The following DNAI4 variants were observed in gnomAD, a reference collection of about 807,000 sequenced individuals.
DNAI4 encodes the protein dynein axonemal intermediate chain 4.
In DNAI4, 85 loss-of-function variants were observed where a neutral mutation model predicts 105.8. The ratio of observed to expected loss-of-function variants is 0.80; its 90% CI spans 0.67 to 0.96. The LOEUF (loss-of-function observed/expected upper bound fraction) is 0.96, where lower values mean the gene tolerates loss of function less well. DNAI4 is among the 40% of genes least tolerant of loss of function. The probability of loss-of-function intolerance (pLI) is 0.00; values close to 1 mark genes in which losing one functional copy is unlikely to be tolerated. For missense variants in DNAI4, 1,014 were observed against 1,005.6 expected (o/e 1.01, Z -0.11); for synonymous variants, 352 against 331.5 (o/e 1.06, Z -0.67).
intron 4 of DNAI4, among the ~76,000 whole-genome samples, chr1:66,884,203 T>C (rs1457137177): frequency 6.6e-6 from 1 of 152,250 alleles, no homozygotes; most frequent in Non-Finnish European, 1.5e-5. Context: ...TGTGTGTATA[T>C]ACCACATTTT....
chr1:66,814,120 G>A lies in DNAI4; in HGVS notation c.*10C>T, dbSNP rs1470194779. 1.3e-6 allele frequency: 2 copies of A among 1,583,436 alleles called. No individual in the cohort carries two copies. The highest frequency in any genetic ancestry group is 1.1e-5 in the South Asian group (1 of 87,014). ...AAAACAACTACAAGAAAAATATTAGGAATGATGAATTATGCTGATTGGTTT... is the reference window on the plus strand; with the variant it reads ...AAAACAACTACAAGAAAAATATTAGAAATGATGAATTATGCTGATTGGTTT... On this transcript the variant is annotated 3_prime_UTR_variant, in exon 17 of 17. Coordinates refer to ENST00000371026, the MANE Select transcript of DNAI4 (RefSeq NM_024763.5).
intron 1 of DNAI4, among the ~76,000 whole-genome samples, chr1:66,905,918 CTTTTTT>C (rs34206774): frequency 1.0e-5 from 1 of 96,402 alleles, no homozygotes; most frequent in Non-Finnish European, 1.9e-5. Flanking sequence ...TTATATACTA[CTTTTTT>C]TTTTTTTTTT....
intron 4 of DNAI4, among the ~76,000 whole-genome samples, chr1:66,879,012 C>T (rs1272171781): frequency 1.3e-5 from 2 of 152,034 alleles, no homozygotes; most frequent in Admixed American, 6.6e-5. Flanking sequence ...GTAGGATCCT[C>T]GTATTTCTTA....
At chr1:66,833,926 A>G (rs1645923728) in intron 12 of DNAI4, 65 bp downstream of exon 12, 2 of 1,516,122 alleles carry the variant, frequency 1.3e-6, no homozygotes, top group Non-Finnish European at 1.8e-6. Context: ...TCTTTCACAC[A>G]TGGTTAACTA....
rs752395603 is a variant in DNAI4 at position 66,814,168 on chromosome 1, C to T, written c.2509G>A (p.Asp837Asn). ...VLETGRGDIMDTLLGSKSNQS... is the reference protein window; with the variant it reads ...VLETGRGDIMNTLLGSKSNQS... ...TTTGACTTGGATCCAAGCAAAGTAT[C>T]CATTATATCTCCCTGAAAAAAAAAA... Residue 837 changes from aspartate (D) to asparagine (N), a missense_variant, in exon 17 of 17, where the codon GAT becomes AAT. Asp to Asn is a conservative substitution (Grantham distance 23). Coordinates refer to ENST00000371026, the MANE Select transcript of DNAI4 (RefSeq NM_024763.5). The T allele has an allele frequency of 6.3e-7, 1 of 1,589,534 alleles. No individual in the cohort carries two copies. The highest frequency in any genetic ancestry group is 8.5e-7 in the Non-Finnish European group (1 of 1,176,274).
chr1:66,889,446 TC>T (rs1647406858), intron 4 of DNAI4, among the ~76,000 whole-genome samples: 1 of 151,938 alleles, frequency 6.6e-6, no homozygotes, highest in Non-Finnish European at 1.5e-5. Flanking sequence ...GAACGGCCAA[TC>T]CAAATTCTGA....
At chr1:66,838,518 C>T (rs974059899) in intron 9 of DNAI4, among the ~76,000 whole-genome samples, 3 of 152,250 alleles carry the variant, frequency 2.0e-5, no homozygotes, top group African/African-American at 4.8e-5. Flanking sequence ...TATATTGTTA[C>T]GGCAGCATGA....
chr1:66,860,291 A>G (rs1034915171), intron 7 of DNAI4, among the ~76,000 whole-genome samples: 1 of 152,092 alleles, frequency 6.6e-6, no homozygotes, highest in African/African-American at 2.4e-5. Context: ...AGAAGGTTAA[A>G]TGCAACTTGT....
intron 1 of DNAI4, among the ~76,000 whole-genome samples, chr1:66,908,052 T>G (rs562742972): frequency 8.5e-5 from 13 of 152,340 alleles, no homozygotes; most frequent in African/African-American, 3.1e-4. Context: ...TTTACTTACA[T>G]TCTTACCATA....
chr1:66,874,131 C>T (rs564862510), intron 5 of DNAI4, among the ~76,000 whole-genome samples: 54 of 151,372 alleles, frequency 3.6e-4, no homozygotes, highest in African/African-American at 9.2e-4. Flanking sequence ...TGGAGGAGAG[C>T]GGAACAAGAA....
At chr1:66,836,311 AGAAAGAAAGAAAGAAG>A (rs1194988750) in intron 10 of DNAI4, among the ~76,000 whole-genome samples, 194 of 123,000 alleles carry the variant, frequency 1.6e-3, no homozygotes, top group African/African-American at 5.0e-3. Flanking sequence ...AAAGAAAGAA[AGAAAGAAAGAAAGAAG>A]GAAAGAGGGA....
rs1037265147 is a variant in DNAI4 at position 66,899,000 on chromosome 1, A to G, written c.346-5587T>C. On this transcript the variant is annotated intron_variant, in intron 2 of 16. Coordinates refer to ENST00000371026, the MANE Select transcript of DNAI4 (RefSeq NM_024763.5). ...TGGCTATACAACATTTTCTTTACCC[A>G]CTTTTCCATTGATGGACATTTGAGT... 4.6e-5 allele frequency among the ~76,000 whole-genome samples: 7 copies of G among 152,200 alleles called. No homozygotes were observed. The South Asian group carries it at 1.2e-3, about 27-fold the overall frequency.
At chr1:66,861,598 T>C (rs889474441) in intron 7 of DNAI4, among the ~76,000 whole-genome samples, 10 of 152,130 alleles carry the variant, frequency 6.6e-5, no homozygotes, top group African/African-American at 9.7e-5. Flanking sequence ...TTCTCAACCA[T>C]GGCAGTACAC....
intron 15 of DNAI4, among the ~76,000 whole-genome samples, chr1:66,825,720 C>T (rs1557897725): frequency 6.6e-6 from 1 of 152,158 alleles, no homozygotes; most frequent in Non-Finnish European, 1.5e-5. Flanking sequence ...CCACTTTATA[C>T]ATTAGTCACC....
At chr1:66,834,213 A>G in intron 11 of DNAI4, 65 bp from the exon 12 acceptor site, 1 of 1,282,024 alleles carries the variant, frequency 7.8e-7, no homozygotes, top group African/African-American at 1.6e-5. Context: ...GCCTTGGAGT[A>G]TAAGTGATAA....
intron 1 of DNAI4, among the ~76,000 whole-genome samples, chr1:66,908,059 C>T (rs1649391677): frequency 6.6e-6 from 1 of 152,070 alleles, no homozygotes; most frequent in Non-Finnish European, 1.5e-5. Context: ...ACATTCTTAC[C>T]ATACCTTTCC....
At chr1:66,891,313 T>C (rs2100761519) in intron 3 of DNAI4, 47 bp from the exon 4 acceptor site, 3 of 1,322,062 alleles carry the variant, frequency 2.3e-6, no homozygotes, top group Non-Finnish European at 2.2e-6. Flanking sequence ...GATGTCCTTA[T>C]AGGAAACTAC....
chr1:66,871,356 A>C lies in DNAI4; in HGVS notation c.940+14T>G. ...AGAACATTATAGTTTATCAAGCAGA[A>C]TGATAGAAATTACCTTTATCTTCCA... On this transcript the variant is annotated intron_variant, in intron 6 of 16. Transcript: ENST00000371026. The C allele has an allele frequency of 6.3e-7, 1 of 1,595,298 alleles. No individual in the cohort carries two copies.
At chr1:66,917,324 A>T (rs1429879336) in intron 1 of DNAI4, among the ~76,000 whole-genome samples, 1 of 152,192 alleles carries the variant, frequency 6.6e-6, no homozygotes, top group Non-Finnish European at 1.5e-5. Flanking sequence ...TGGCTGCCCT[A>T]AAATTTTTGT....
Sources: allele counts gnomAD v4.1 joint callset (sites outside exome capture counted in the v4.1 genomes callset), GRCh38; gene constraint gnomAD v4.1.1; transcripts MANE v1.5; gene names NCBI Gene and HGNC (gene_info 2026-07-23, HGNC 2026-07-21).